The following SORCS1 variants were observed in gnomAD, a reference collection of about 807,000 sequenced individuals.
SORCS1 encodes the protein sortilin related VPS10 domain containing receptor 1.
A neutral mutation model predicts 146.1 loss-of-function variants in SORCS1; 60 were observed. The observed-to-expected ratio is 0.41, with a 90% CI of 0.33 to 0.51. The LOEUF (loss-of-function observed/expected upper bound fraction) is 0.51. Among genes scored for constraint, SORCS1 ranks in the 20% least tolerant of loss-of-function variants. The pLI, the probability that SORCS1 is intolerant of heterozygous loss-of-function variation, is 0.21. For synonymous variants in SORCS1, 637 were observed against 584.0 expected (o/e 1.09, Z -1.31); for missense variants, 1,352 against 1,487.6 (o/e 0.91, Z 1.50).
At chr10:106,983,956 T>C (rs192961095) in intron 1 of SORCS1, among the ~76,000 whole-genome samples, 1 of 152,294 alleles carries the variant, frequency 6.6e-6, no homozygotes, top group African/African-American at 2.4e-5. Context: ...TATTCAGAAG[T>C]AGGGTGATAA....
chr10:106,950,245 G>A (rs1341658642), intron 2 of SORCS1, among the ~76,000 whole-genome samples: 7 of 152,236 alleles, frequency 4.6e-5, no homozygotes, highest in African/African-American at 1.4e-4. Flanking sequence ...AAGACCAACC[G>A]GGAGCAAAAG....
At chr10:106,738,646 C>A (rs934882452) in intron 5 of SORCS1, among the ~76,000 whole-genome samples, 1 of 152,178 alleles carries the variant, frequency 6.6e-6, no homozygotes, top group Non-Finnish European at 1.5e-5. Context: ...CTCTCTTTAT[C>A]CATTTCTGTT....
At chr10:106,910,387 G>T (rs1042981812) in intron 2 of SORCS1, among the ~76,000 whole-genome samples, 4 of 151,854 alleles carry the variant, frequency 2.6e-5, no homozygotes, top group African/African-American at 9.7e-5. Context: ...TATAGTTAAT[G>T]ACAGTATCAT....
intron 1 of SORCS1, among the ~76,000 whole-genome samples, chr10:107,047,019 CGCTCT>C (rs1959540391): frequency 6.6e-6 from 1 of 152,038 alleles, no homozygotes; most frequent in Admixed American, 6.6e-5. Flanking sequence ...GATGGAATCT[CGCTCT>C]ATTGTCCATG....
chr10:107,075,174 T>C (rs1433814934), intron 1 of SORCS1, among the ~76,000 whole-genome samples: 3 of 152,168 alleles, frequency 2.0e-5, no homozygotes, highest in Non-Finnish European at 4.4e-5. Context: ...ATTTGAATTT[T>C]ATATGTTAAA....
intron 5 of SORCS1, among the ~76,000 whole-genome samples, chr10:106,737,937 T>C (rs1054530827): frequency 2.0e-5 from 3 of 152,234 alleles, no homozygotes; most frequent in African/African-American, 7.2e-5. Context: ...CCTGCATATT[T>C]TTAGCAACTT....
At chr10:106,690,977 C>T (rs1236686753) in intron 9 of SORCS1, among the ~76,000 whole-genome samples, 1 of 152,144 alleles carries the variant, frequency 6.6e-6, no homozygotes, top group Admixed American at 6.5e-5. Context: ...CACTGTAGGA[C>T]TTTGGCTATC....
chr10:107,095,970 T>C (rs141734849), intron 1 of SORCS1, among the ~76,000 whole-genome samples: 3,934 of 152,146 alleles, frequency 0.026, 75 homozygotes, highest in Middle Eastern at 0.082. Flanking sequence ...AAAACAAGAA[T>C]AAAGATACAC....
intron 9 of SORCS1, among the ~76,000 whole-genome samples, chr10:106,691,122 G>A (rs1017215051): frequency 2.6e-5 from 4 of 152,156 alleles, no homozygotes. Context: ...GAGGATGAGG[G>A]AGCATGTTTA....
chr10:107,132,692 C>A (rs553549677), intron 1 of SORCS1, among the ~76,000 whole-genome samples: 13 of 152,304 alleles, frequency 8.5e-5, no homozygotes, highest in African/African-American at 3.1e-4. Flanking sequence ...TTAAGCAGCA[C>A]TTCCGTGCCT....
rs147881063 is a variant in SORCS1, at chr10:107,006,811, C to T, written c.559-50231G>A. ...CAGCCTGGGTGACAGAGCGAGACTC[C>T]GTCTCAAAAAAAAGAAAATAGTTAC... On this transcript the variant is annotated intron_variant, in intron 1 of 25. Transcript: ENST00000263054. 1.2e-3 allele frequency among the ~76,000 whole-genome samples: 176 copies of T among 152,042 alleles called. 3 individuals carry two copies. In the East Asian group the frequency reaches 0.023, roughly 20 times the overall value.
At chr10:107,005,559 C>G (rs1957405668) in intron 1 of SORCS1, among the ~76,000 whole-genome samples, 1 of 151,966 alleles carries the variant, frequency 6.6e-6, no homozygotes, top group South Asian at 2.1e-4. Flanking sequence ...GTTGTATTCC[C>G]TTTTTTCCAT....
At chr10:106,885,438 T>C (rs2137790142) in intron 2 of SORCS1, among the ~76,000 whole-genome samples, 1 of 152,298 alleles carries the variant, frequency 6.6e-6, no homozygotes, top group South Asian at 2.1e-4. Flanking sequence ...AGAAAAGAAT[T>C]CATGGCCAAA....
intron 2 of SORCS1, among the ~76,000 whole-genome samples, chr10:106,833,537 G>C (rs1452330294): frequency 6.6e-6 from 1 of 152,142 alleles, no homozygotes; most frequent in Non-Finnish European, 1.5e-5. Flanking sequence ...AGTTCTCTGA[G>C]TAGTTGTTCC....
In SORCS1 at chr10:106,579,354, T is replaced by TAGAA. The variant is rs1564739315; in HGVS notation, c.3371+14_3371+15insTTCT. 1 of 1,613,838 alleles carries TAGAA rather than the reference T, an allele frequency of 6.2e-7. No homozygotes were observed. Among genetic ancestry groups the TAGAA allele is most frequent in the Non-Finnish European group, 8.5e-7 (1 of 1,179,936 alleles). The stretch of plus-strand genomic sequence containing the variant: ...GAGGTCAGGGGTGGGGGAACGTGGA[T>TAGAA]AGAGGGACACGCACCTTTTAAACTT... On this transcript the variant is annotated intron_variant, in intron 25 of 25. Transcript: ENST00000263054.
chr10:107,051,907 A>G (rs1960164003), intron 1 of SORCS1, among the ~76,000 whole-genome samples: 1 of 152,154 alleles, frequency 6.6e-6, no homozygotes, highest in South Asian at 2.1e-4. Flanking sequence ...AATTGTTGGC[A>G]CAGACTTTTC....
chr10:106,690,686 G>A (rs374094768), intron 9 of SORCS1, among the ~76,000 whole-genome samples: 1 of 152,214 alleles, frequency 6.6e-6, no homozygotes, highest in Non-Finnish European at 1.5e-5. Flanking sequence ...GAGCTGGAGA[G>A]GGTCTGCTTA....
intron 2 of SORCS1, among the ~76,000 whole-genome samples, chr10:106,842,393 C>T (rs566843236): frequency 1.3e-5 from 2 of 151,996 alleles, no homozygotes; most frequent in Non-Finnish European, 2.9e-5. Context: ...ACCACCAGGC[C>T]CGGCTAATTT....
intron 2 of SORCS1, among the ~76,000 whole-genome samples, chr10:106,901,875 T>C (rs1384764475): frequency 2.0e-5 from 3 of 151,932 alleles, no homozygotes; most frequent in Non-Finnish European, 4.4e-5. Context: ...AACCCTGCCT[T>C]TATTAAATAT....
Sources: allele counts gnomAD v4.1 joint callset (sites outside exome capture counted in the v4.1 genomes callset), GRCh38; gene constraint gnomAD v4.1.1; transcripts MANE v1.5; gene names NCBI Gene and HGNC (gene_info 2026-07-23, HGNC 2026-07-21).